The following CLASP1 variants were observed in gnomAD, a reference collection of about 807,000 sequenced individuals.
CLASP1 encodes the protein cytoplasmic linker associated protein 1, also known as CLIP-associating protein 1.
A neutral mutation model predicts 192.3 loss-of-function variants in CLASP1; 38 were observed. The ratio of observed to expected loss-of-function variants is 0.20; its 90% CI spans 0.15 to 0.26. CLASP1 has a LOEUF of 0.26. CLASP1 is among the 10% of genes least tolerant of loss of function. The pLI, the probability that CLASP1 is intolerant of heterozygous loss-of-function variation, is 1.00. For missense variants in CLASP1, 1,433 were observed against 1,932.5 expected (o/e 0.74, Z 4.85); for synonymous variants, 691 against 712.8 (o/e 0.97, Z 0.49).
intron 1 of CLASP1, 92 bp from the exon 2 acceptor site, chr2:121,606,272 G>C (rs1005146893): frequency 4.9e-5 from 17 of 344,690 alleles, no homozygotes; most frequent in African/African-American, 3.2e-4. Context: ...AGCAATTCAT[G>C]CTGCAGAATC....
chr2:121,581,115 T>C (rs1180707134), intron 2 of CLASP1, among the ~76,000 whole-genome samples: 1 of 152,122 alleles, frequency 6.6e-6, no homozygotes, highest in East Asian at 1.9e-4. Flanking sequence ...GGCTATCTTA[T>C]ATAGCTGACC....
chr2:121,461,041 GT>G, intron 11 of CLASP1, 59 bp downstream of exon 11: 1 of 1,005,974 alleles, frequency 9.9e-7, no homozygotes, highest in South Asian at 1.5e-5. Flanking sequence ...TCACAATAAA[GT>G]ATTTGAGATA....
chr2:121,602,620 A>G (rs535288759), intron 2 of CLASP1, among the ~76,000 whole-genome samples: 43 of 152,332 alleles, frequency 2.8e-4, no homozygotes, highest in African/African-American at 1.0e-3. Context: ...ACATAGGCCA[A>G]TGGAACAAAA....
intron 19 of CLASP1, among the ~76,000 whole-genome samples, chr2:121,433,795 C>T (rs1417857931): frequency 6.6e-6 from 1 of 152,124 alleles, no homozygotes; most frequent in Non-Finnish European, 1.5e-5. Context: ...GCTAAACCTA[C>T]GTGGTCATGA....
intron 12 of CLASP1, 53 bp from the exon 13 acceptor site, chr2:121,459,028 A>T (rs765156059): frequency 6.3e-6 from 9 of 1,432,922 alleles, no homozygotes; most frequent in Non-Finnish European, 8.5e-6. Context: ...GAGACAGTGA[A>T]GCATATAAAC....
At chr2:121,612,382 AAGG>A (rs1212062567) in intron 1 of CLASP1, among the ~76,000 whole-genome samples, 1 of 147,586 alleles carries the variant, frequency 6.8e-6, no homozygotes, top group Non-Finnish European at 1.5e-5. Flanking sequence ...GGAACTGGAG[AAGG>A]AGAAATTGGA....
At chr2:121,628,972 CTT>C (rs1366954636) in intron 1 of CLASP1, among the ~76,000 whole-genome samples, 15 of 148,926 alleles carry the variant, frequency 1.0e-4, no homozygotes, top group Admixed American at 2.7e-4. Flanking sequence ...TCTTTTTTCT[CTT>C]TCTTTGTTTT....
intron 2 of CLASP1, among the ~76,000 whole-genome samples, chr2:121,582,233 G>A (rs372828704): frequency 6.6e-6 from 1 of 151,284 alleles, no homozygotes; most frequent in Non-Finnish European, 1.5e-5. Context: ...AGGGAGCAGA[G>A]GGAGGGAAGG....
intron 1 of CLASP1, among the ~76,000 whole-genome samples, chr2:121,610,410 G>A (rs549061858): frequency 6.6e-5 from 10 of 150,800 alleles, no homozygotes; most frequent in Middle Eastern, 3.4e-3. Flanking sequence ...AGTTACAGGA[G>A]GAAGAGGAAC....
At chr2:121,360,956 A>G (rs1426789781) in intron 37 of CLASP1, among the ~76,000 whole-genome samples, 1 of 152,182 alleles carries the variant, frequency 6.6e-6, no homozygotes, top group Non-Finnish European at 1.5e-5. Flanking sequence ...CTAAATTTCT[A>G]ATTTTGCAGA....
intron 8 of CLASP1, among the ~76,000 whole-genome samples, chr2:121,478,781 A>C (rs1575272792): frequency 2.3e-4 from 9 of 38,534 alleles, no homozygotes; most frequent in Non-Finnish European, 3.3e-4. Flanking sequence ...CCACACACAC[A>C]CCCCACACAC....
At chr2:121,411,800 G>C (rs543997118) in intron 23 of CLASP1, among the ~76,000 whole-genome samples, 1 of 152,144 alleles carries the variant, frequency 6.6e-6, no homozygotes, top group African/African-American at 2.4e-5. Flanking sequence ...GGAAGTGCTG[G>C]AGATTAAAAC....
chr2:121,451,933 C>T (rs2085567529), intron 14 of CLASP1, 84 bp from the exon 15 acceptor site: 2 of 869,608 alleles, frequency 2.3e-6, no homozygotes, highest in East Asian at 2.7e-5. Context: ...TGACCCAATA[C>T]TATTTTTTAT....
At chr2:121,497,861 A>C (rs1328256853) in intron 8 of CLASP1, among the ~76,000 whole-genome samples, 2 of 152,098 alleles carry the variant, frequency 1.3e-5, no homozygotes, top group African/African-American at 4.8e-5. Context: ...CTAGGACTAC[A>C]GGCGCCCACC....
chr2:121,371,083 TATAA>T (rs1449563493), intron 34 of CLASP1, among the ~76,000 whole-genome samples: 1 of 152,196 alleles, frequency 6.6e-6, no homozygotes, highest in African/African-American at 2.4e-5. Flanking sequence ...CACATATATG[TATAA>T]ATATACAAAA....
intron 32 of CLASP1, among the ~76,000 whole-genome samples, chr2:121,384,151 C>CATATATATGTATATATATAT (rs2072606613): frequency 2.1e-5 from 3 of 139,578 alleles, no homozygotes; most frequent in East Asian, 4.0e-4. Context: ...TATATACACA[C>CATATATATGTATATATATAT]ACACACATAT....
At chr2:121,387,168 G>C in exon 32 of CLASP1, 1 of 1,613,424 alleles carries the variant, frequency 6.2e-7, no homozygotes, top group Non-Finnish European at 8.5e-7. Flanking sequence ...GAGGTCAGGG[G>C]GCTGGTCCTG....
At chr2:121,339,362 A>G (rs2062605547) in exon 40 of CLASP1, 2 of 152,242 alleles carry the variant, frequency 1.3e-5, no homozygotes, top group South Asian at 2.1e-4. Context: ...TAGCAGTTGC[A>G]GTGGGCTCTG....
chr2:121,535,689 C>T (rs913137973), intron 2 of CLASP1, among the ~76,000 whole-genome samples: 5 of 151,480 alleles, frequency 3.3e-5, no homozygotes, highest in Non-Finnish European at 5.9e-5. Context: ...TGCTCTGTCA[C>T]CCAGGCTGGA....
Sources: gnomAD v4.1 joint callset for allele counts (sites outside exome capture counted in the v4.1 genomes callset) on GRCh38, gnomAD v4.1.1 for gene constraint, MANE v1.5 for transcripts, NCBI Gene and HGNC (gene_info 2026-07-23, HGNC 2026-07-21) for gene names.